The following SNX6 variants were observed in gnomAD, a reference collection of about 807,000 sequenced individuals.
SNX6 encodes the protein sorting nexin 6.
Under a neutral mutation model 63.0 loss-of-function variants are expected in SNX6, and 34 were observed. That is an observed-to-expected ratio of 0.54 (90% confidence interval 0.41 to 0.72). The LOEUF (loss-of-function observed/expected upper bound fraction) is 0.72. SNX6 is among the 30% of genes least tolerant of loss of function. The pLI is 0.00. For missense variants in SNX6, 398 were observed against 471.4 expected (o/e 0.84, Z 1.44); for synonymous variants, 170 against 164.2 (o/e 1.04, Z -0.27).
At chr14:34,621,968 T>TTTTTC (rs1453381169) in intron 2 of SNX6, among the ~76,000 whole-genome samples, 2 of 142,414 alleles carry the variant, frequency 1.4e-5, no homozygotes, top group Non-Finnish European at 3.0e-5. Context: ...TTTTTTTTTT[T>TTTTTC]TTTTTTTGAG....
At chr14:34,564,136 T>G (rs1230634560) in intron 13 of SNX6, among the ~76,000 whole-genome samples, 1 of 152,102 alleles carries the variant, frequency 6.6e-6, no homozygotes, top group African/African-American at 2.4e-5. Context: ...CAAGCGATCC[T>G]TCTGGCTCAG....
intron 2 of SNX6, among the ~76,000 whole-genome samples, chr14:34,614,034 G>C (rs896075091): frequency 6.6e-6 from 1 of 151,852 alleles, no homozygotes; most frequent in Non-Finnish European, 1.5e-5. Flanking sequence ...TTGAACCTGG[G>C]AGGCGGAAGT....
At chr14:34,572,978 G>A (rs1052754550) in intron 11 of SNX6, among the ~76,000 whole-genome samples, 5 of 151,878 alleles carry the variant, frequency 3.3e-5, no homozygotes, top group East Asian at 1.9e-4. Context: ...CACCGCACCT[G>A]GCCTCGTGTT....
intron 11 of SNX6, among the ~76,000 whole-genome samples, chr14:34,572,957 C>T (rs948001301): frequency 1.4e-4 from 21 of 152,138 alleles, no homozygotes; most frequent in Non-Finnish European, 2.5e-4. Context: ...GCTGGGATTA[C>T]AGGTGTGAGC....
intron 2 of SNX6, among the ~76,000 whole-genome samples, chr14:34,623,963 T>C (rs1238005505): frequency 1.3e-5 from 2 of 152,194 alleles, no homozygotes; most frequent in African/African-American, 4.8e-5. Flanking sequence ...ATTTGTGTAC[T>C]AAATAATATG....
At chr14:34,607,970 C>T (rs934752865) in intron 4 of SNX6, 60 bp downstream of exon 4, 9 of 855,200 alleles carry the variant, frequency 1.1e-5, no homozygotes, top group East Asian at 2.7e-5. Flanking sequence ...GATTCCAAAA[C>T]ATAACGAAGT....
At chr14:34,575,044 A>C (rs570807736) in intron 11 of SNX6, among the ~76,000 whole-genome samples, 1 of 150,772 alleles carries the variant, frequency 6.6e-6, no homozygotes, top group South Asian at 2.1e-4. Context: ...GGCGCCCACC[A>C]CCATGCCCGG....
At chr14:34,626,434 C>T (rs1339806660) in intron 2 of SNX6, among the ~76,000 whole-genome samples, 1 of 150,868 alleles carries the variant, frequency 6.6e-6, no homozygotes, top group South Asian at 2.1e-4. Flanking sequence ...GCAGGCAGAT[C>T]ACAACGTCAG....
intron 13 of SNX6, 90 bp from the exon 14 acceptor site, chr14:34,563,265 T>C: frequency 7.5e-7 from 1 of 1,326,802 alleles, no homozygotes; most frequent in Non-Finnish European, 1.1e-6. Flanking sequence ...CGACATAAAA[T>C]ATAGTGTTAG....
chr14:34,607,148 C>CT, intron 4 of SNX6, among the ~76,000 whole-genome samples: 1 of 152,046 alleles, frequency 6.6e-6, no homozygotes, highest in East Asian at 1.9e-4. Flanking sequence ...CATTTCAATT[C>CT]TAACAAATGG....
intron 13 of SNX6, among the ~76,000 whole-genome samples, chr14:34,563,387 T>C (rs12887374): frequency 6.6e-6 from 1 of 151,836 alleles, no homozygotes; most frequent in Non-Finnish European, 1.5e-5. Context: ...TGAAACCCCA[T>C]CTCTACTAAA....
intron 2 of SNX6, among the ~76,000 whole-genome samples, chr14:34,624,113 T>TG (rs1349043744): frequency 6.6e-6 from 1 of 152,018 alleles, no homozygotes; most frequent in Non-Finnish European, 1.5e-5. Flanking sequence ...TATTTTCCTT[T>TG]TTTTTTGAGA....
chr14:34,567,815 T>C (rs1458108298), intron 12 of SNX6, 39 bp downstream of exon 12: 9 of 1,612,896 alleles, frequency 5.6e-6, no homozygotes, highest in Non-Finnish European at 7.6e-6. Flanking sequence ...ATAATAGTCA[T>C]AAAGCATATC....
intron 13 of SNX6, among the ~76,000 whole-genome samples, 158 bp from the exon 14 acceptor site, chr14:34,563,333 T>C: frequency 6.6e-6 from 1 of 151,792 alleles, no homozygotes; most frequent in East Asian, 1.9e-4. Context: ...CCGAGGCGGG[T>C]GGATCACGAG....
chr14:34,627,255 G>T (rs557083001), intron 2 of SNX6, among the ~76,000 whole-genome samples: 1 of 152,036 alleles, frequency 6.6e-6, no homozygotes, highest in Non-Finnish European at 1.5e-5. Context: ...GACCATCCTG[G>T]CTAACACGGT....
At chr14:34,601,525 A>G (rs1039026993) in intron 6 of SNX6, among the ~76,000 whole-genome samples, 2 of 151,500 alleles carry the variant, frequency 1.3e-5, no homozygotes, top group Non-Finnish European at 2.9e-5. Context: ...CCTGGCTCCT[A>G]CTTCTTAAGA....
At chr14:34,571,125 T>C (rs1315795263) in intron 11 of SNX6, among the ~76,000 whole-genome samples, 1 of 151,780 alleles carries the variant, frequency 6.6e-6, no homozygotes, top group Non-Finnish European at 1.5e-5. Flanking sequence ...AGAAATGAGC[T>C]ATCAAGCCAT....
At chr14:34,610,352 C>CAAA (rs35289170) in intron 2 of SNX6, among the ~76,000 whole-genome samples, 5 of 77,666 alleles carry the variant, frequency 6.4e-5, no homozygotes, top group Non-Finnish European at 9.4e-5. Flanking sequence ...AAAACCGTCT[C>CAAA]AAAAAAAAAA....
chr14:34,627,587 T>C (rs1883879450), intron 2 of SNX6, among the ~76,000 whole-genome samples: 1 of 152,042 alleles, frequency 6.6e-6, no homozygotes, highest in Admixed American at 6.6e-5. Context: ...AGTGAATGAA[T>C]CCAGTGATTC....
Sources: allele counts gnomAD v4.1 joint callset (sites outside exome capture counted in the v4.1 genomes callset), GRCh38; gene constraint gnomAD v4.1.1; transcripts MANE v1.5; gene names NCBI Gene and HGNC (gene_info 2026-07-23, HGNC 2026-07-21).